The following XPC variants were observed in gnomAD, a reference collection of about 807,000 sequenced individuals.
XPC encodes XPC complex subunit, DNA damage recognition and repair factor, also known as DNA repair protein complementing XP-C cells.
XPC carries 76 observed loss-of-function variants against 95.8 expected under a neutral mutation model. The observed-to-expected ratio is 0.79, with a 90% confidence interval of 0.66 to 0.96. The LOEUF (loss-of-function observed/expected upper bound fraction) is 0.96. Ranked by LOEUF, XPC falls within the 40% of genes least tolerant of loss-of-function variation. XPC has a pLI of 0.00. For missense variants in XPC, 1,146 were observed against 1,179.8 expected (o/e 0.97, Z 0.42); for synonymous variants, 442 against 442.1 (o/e 1.00, Z 0.00).
intron 10 of XPC, among the ~76,000 whole-genome samples, chr3:14,154,295 A>G (rs1695814313): frequency 1.3e-5 from 2 of 152,164 alleles, no homozygotes; most frequent in African/African-American, 4.8e-5. Flanking sequence ...TATGCAAACA[A>G]ACAAACAAAC....
At chr3:14,161,439 A>C (rs1353492998) in intron 7 of XPC, among the ~76,000 whole-genome samples, 1 of 151,880 alleles carries the variant, frequency 6.6e-6, no homozygotes, top group Admixed American at 6.6e-5. Flanking sequence ...ACTAAAAAAC[A>C]AATTGAACAT....
In XPC at chr3:14,156,396, C is replaced by T; in HGVS notation, c.1972G>A (p.Ala658Thr). The change falls in exon 10 of 16, where the codon GCC becomes ACC. Residue 658 changes from alanine (A) to threonine (T), a missense_variant. By Grantham distance (58) the Ala-to-Thr change is moderately conservative. Transcript: ENST00000285021. ...ATGGCAGCTGTCTCGGGATAGATGG[C>T]CTCATATTTCAGGAGATGCCGCTTC... ...ALKRHLLKYE[A>T]IYPETAAILG... The T allele has an allele frequency of 1.2e-6, 2 of 1,613,928 alleles. No individual in the cohort carries two copies. The highest frequency in any genetic ancestry group is 2.2e-5 in the South Asian group (2 of 91,056).
intron 3 of XPC, 149 bp downstream of exon 3, chr3:14,170,289 C>T: frequency 1.5e-6 from 1 of 672,092 alleles, no homozygotes; most frequent in South Asian, 2.1e-5. Context: ...CCATATATAT[C>T]AAAGCAAGTC....
intron 1 of XPC, among the ~76,000 whole-genome samples, chr3:14,175,361 G>T (rs1213745092): frequency 6.6e-6 from 1 of 152,114 alleles, no homozygotes; most frequent in African/African-American, 2.4e-5. Context: ...TTCATCTATA[G>T]AAGCATTTTC....
At position 14,145,649 on chromosome 3, in the gene XPC, AGT is replaced by A. The variant is rs1411540397; in HGVS notation, c.*290_*291del. 1.4e-6 allele frequency: 1 copy of A among 699,316 alleles called. No individual in the cohort carries two copies. The highest frequency in any genetic ancestry group is 2.6e-6 in the Non-Finnish European group (1 of 384,732). 43.3% of individuals were successfully genotyped at this position (699,316 alleles called of 1,614,324 possible). ...AAAGAACAGGTCTAGGAGGCAGAAG[AGT>A]ATCTCCTAGCAAAGTGTTCTGTAGC... On this transcript the variant is annotated 3_prime_UTR_variant, in exon 16 of 16. Coordinates refer to ENST00000285021, the MANE Select transcript of XPC (RefSeq NM_004628.5).
In XPC at chr3:14,156,497, T is replaced by C. The variant is rs2125022131; in HGVS notation, c.1873-2A>G. 1 of 1,613,892 alleles carries C rather than the reference T, an allele frequency of 6.2e-7. No homozygotes were observed. The highest frequency in any genetic ancestry group is 8.5e-7 in the Non-Finnish European group (1 of 1,179,838). On this transcript the variant is annotated splice_acceptor_variant, in intron 9 of 15. Transcript: ENST00000285021. LOFTEE classifies it high-confidence loss of function. The stretch of plus-strand genomic sequence containing the variant: ...CTGGTCCATGTGTTTAGCCTGAAAC[T>C]GCAAAGGCCAGACAGACAAGGTTGA...
intron 4 of XPC, among the ~76,000 whole-genome samples, chr3:14,167,567 C>T (rs1028919595): frequency 6.6e-6 from 1 of 152,212 alleles, no homozygotes; most frequent in Non-Finnish European, 1.5e-5. Context: ...CCAACTCTTC[C>T]GACTACTGAC....
At position 14,154,628 on chromosome 3, in the gene XPC, G is replaced by A. The variant is rs148056288; in HGVS notation, c.2033+1707C>T. 2.3e-3 allele frequency among the ~76,000 whole-genome samples: 350 copies of A among 152,292 alleles called. 1 individual carries two copies. Among genetic ancestry groups the A allele is most frequent in the Admixed American group, 4.6e-3 (71 of 15,296 alleles). Reference sequence around the variant, plus strand: ...AGAGACAGAAAGGAGAATGGTGGGTGCAGGGCTGGAGAAGGGGAATTCGGA... The same window carrying A: ...AGAGACAGAAAGGAGAATGGTGGGTACAGGGCTGGAGAAGGGGAATTCGGA... On this transcript the variant is annotated intron_variant, in intron 10 of 15. Transcript: ENST00000285021.
chr3:14,157,569 T>G (rs1695968466), intron 9 of XPC, among the ~76,000 whole-genome samples: 1 of 152,138 alleles, frequency 6.6e-6, no homozygotes, highest in Non-Finnish European at 1.5e-5. Flanking sequence ...GTCTGTCTCA[T>G]TCCGAGACCC....
At chr3:14,161,518 A>C (rs1696164922) in intron 7 of XPC, among the ~76,000 whole-genome samples, 1 of 149,062 alleles carries the variant, frequency 6.7e-6, no homozygotes, top group African/African-American at 2.6e-5. Flanking sequence ...TCAACATAAG[A>C]AAATCAATCA....
Position 14,163,968 on chromosome 3 carries a change from G to C in XPC, c.900+845C>G, listed in dbSNP as rs140250686. 2.8e-3 allele frequency among the ~76,000 whole-genome samples: 431 copies of C among 152,334 alleles called. 4 individuals carry two copies. Among genetic ancestry groups the C allele is most frequent in the African/African-American group, 9.8e-3 (409 of 41,572 alleles). On this transcript the variant is annotated intron_variant, in intron 7 of 15. Coordinates refer to ENST00000285021, the MANE Select transcript of XPC (RefSeq NM_004628.5). ...CGAGGCTGAGGCATGAGAATCACTT[G>C]AACCCAGGAGGTGGAGGTTGCAGTG...
At chr3:14,165,039 C>T (rs1391117328) in intron 6 of XPC, 106 bp from the exon 7 acceptor site, 1 of 1,459,842 alleles carries the variant, frequency 6.9e-7, no homozygotes. Flanking sequence ...GACCCGCCTG[C>T]CTCTGTCCTA....
At position 14,165,482 on chromosome 3, in the gene XPC, G is replaced by A; in HGVS notation, c.725C>T (p.Thr242Ile). 1 of 1,606,194 alleles carries A rather than the reference G, an allele frequency of 6.2e-7. No individual in the cohort carries two copies. The highest frequency in any genetic ancestry group is 8.5e-7 in the Non-Finnish European group (1 of 1,176,174). Residue 242 changes from threonine to isoleucine, a missense_variant, in exon 6 of 16, where the codon ACC (threonine) becomes ATC (isoleucine). Coordinates refer to ENST00000285021, the MANE Select transcript of XPC (RefSeq NM_004628.5). ...GTCCACATCTCGAGGCAGCACTCTG[G>A]TAAAGCGGGCTGGGATGATGGACAG... Reference protein sequence around the residue: ...IGLSIIPARFTRVLPRDVDTY... With the variant: ...IGLSIIPARFIRVLPRDVDTY...
intron 1 of XPC, among the ~76,000 whole-genome samples, chr3:14,176,328 C>T (rs1696813865): frequency 6.6e-6 from 1 of 152,224 alleles, no homozygotes; most frequent in South Asian, 2.1e-4. Context: ...AAAATACCAA[C>T]CATCCTTTAA....
chr3:14,164,012 G>A (rs1314687678), intron 7 of XPC, among the ~76,000 whole-genome samples: 2 of 152,196 alleles, frequency 1.3e-5, no homozygotes, highest in African/African-American at 4.8e-5. Context: ...TTGCACCACT[G>A]CACTCCAGCC....
chr3:14,156,777 T>C (rs1176758269), intron 9 of XPC, among the ~76,000 whole-genome samples: 1 of 152,200 alleles, frequency 6.6e-6, no homozygotes, highest in Non-Finnish European at 1.5e-5. Context: ...CCCCAGCAGA[T>C]GTGTTAAAGG....
At position 14,158,284 on chromosome 3, in the gene XPC, C is replaced by G. The variant is rs977308365; in HGVS notation, c.1599G>C (p.Glu533Asp). ...ACTTTTCCTCCTGCTCACAGAACACCTCTAGCCACTGGTCTATACCAGCTA... is the reference window on the plus strand; with the variant it reads ...ACTTTTCCTCCTGCTCACAGAACACGTCTAGCCACTGGTCTATACCAGCTA... ...RSIAGIDQWLEVFCEQEEKWV... is the reference protein window; with the variant it reads ...RSIAGIDQWLDVFCEQEEKWV... Residue 533 changes from glutamate to aspartate, a missense_variant, in exon 9 of 16, where the codon GAG becomes GAC. Glu to Asp is a conservative substitution (Grantham distance 45). Coordinates refer to ENST00000285021, the MANE Select transcript of XPC (RefSeq NM_004628.5). This position sits in a 1 kb window ranked among gnomAD's most constrained non-coding sequence, Gnocchi z 5.2. 1 of 1,614,028 alleles carries G rather than the reference C, an allele frequency of 6.2e-7. No homozygotes were observed. The highest frequency in any genetic ancestry group is 8.5e-7 in the Non-Finnish European group (1 of 1,179,898).
chr3:14,156,514 C>A lies in XPC; in HGVS notation c.1873-19G>T, dbSNP rs375807390. On this transcript the variant is annotated intron_variant, in intron 9 of 15. Coordinates refer to ENST00000285021, the MANE Select transcript of XPC (RefSeq NM_004628.5). ...CCTGAAACTGCAAAGGCCAGACAGA[C>A]AAGGTTGAGCATGTTATTTAGAAGA... is the stretch of plus-strand genomic sequence containing the variant. 3 of 1,613,396 alleles carry A rather than the reference C, an allele frequency of 1.9e-6. No individual in the cohort carries two copies. Among genetic ancestry groups the A allele is most frequent in the African/African-American group, 2.7e-5 (2 of 74,890 alleles).
chr3:14,165,308 C>T, intron 6 of XPC, 120 bp downstream of exon 6: 1 of 1,318,432 alleles, frequency 7.6e-7, no homozygotes, highest in Non-Finnish European at 1.0e-6. Context: ...ATGCCATGCC[C>T]ACCACCTGAT....
Sources: gnomAD v4.1 joint callset for allele counts (sites outside exome capture counted in the v4.1 genomes callset) on GRCh38, gnomAD v4.1.1 for gene constraint, Gnocchi (gnomAD v3.1) non-coding constraint, MANE v1.5 for transcripts, NCBI Gene and HGNC (gene_info 2026-07-23, HGNC 2026-07-21) for gene names.